The following MYZAP variants were observed in gnomAD, a reference collection of about 807,000 sequenced individuals.
MYZAP encodes the protein myocardial zonula adherens protein, also known as GRINL1A complex locus upstream.
MYZAP carries 66 observed loss-of-function variants against 69.4 expected under a neutral mutation model. The observed-to-expected ratio is 0.95, with a 90% CI of 0.78 to 1.17. MYZAP has a LOEUF of 1.17. Ranked by LOEUF, MYZAP falls within the 50% of genes most tolerant of loss-of-function variation. The pLI is 0.00. For synonymous variants in MYZAP, 256 were observed against 205.9 expected (o/e 1.24, Z -2.09); for missense variants, 611 against 556.2 (o/e 1.10, Z -0.99).
At chr15:57,630,827 C>T (rs1475772764) in intron 6 of MYZAP, among the ~76,000 whole-genome samples, 1 of 152,124 alleles carries the variant, frequency 6.6e-6, no homozygotes, top group Non-Finnish European at 1.5e-5. Context: ...TTATGAGTAG[C>T]GTATCCACAT....
At chr15:57,632,902 C>T (rs890760138) in intron 7 of MYZAP, among the ~76,000 whole-genome samples, 6 of 152,192 alleles carry the variant, frequency 3.9e-5, no homozygotes, top group Non-Finnish European at 7.3e-5. Flanking sequence ...AAATTTCCTC[C>T]TTCCCTATCT....
chr15:57,656,936 C>T (rs1749826285), intron 10 of MYZAP, among the ~76,000 whole-genome samples: 1 of 152,214 alleles, frequency 6.6e-6, no homozygotes, highest in African/African-American at 2.4e-5. Context: ...CCAGCTCCTT[C>T]TCCCCAGAAC....
chr15:57,659,427 A>G (rs2038167715), intron 10 of MYZAP, among the ~76,000 whole-genome samples: 1 of 152,188 alleles, frequency 6.6e-6, no homozygotes, highest in Non-Finnish European at 1.5e-5. Flanking sequence ...ATGAATTCAT[A>G]CTGATATTGT....
rs761954649 is a variant in MYZAP at position 57,629,720 on chromosome 15, A to G, written c.544A>G (p.Thr182Ala). Residue 182 changes from threonine to alanine, a missense_variant, in exon 6 of 13, where the codon ACT becomes GCT. Coordinates refer to ENST00000267853, the MANE Select transcript of MYZAP (RefSeq NM_001018100.5). ...CTCACAGAAAACCCTCGTGGATGTG[A>G]CTTTGGAAAACAGCAACATTAAGGA... ...IGLQKTLVDVTLENSNIKDQI... is the reference protein window; with the variant it reads ...IGLQKTLVDVALENSNIKDQI... 3.7e-6 allele frequency: 6 copies of G among 1,609,148 alleles called. No homozygotes were observed. Among genetic ancestry groups the G allele is most frequent in the Admixed American group, 1.7e-5 (1 of 57,920 alleles).
chr15:57,634,778 T>A (rs1447511876), intron 8 of MYZAP, among the ~76,000 whole-genome samples: 1 of 152,222 alleles, frequency 6.6e-6, no homozygotes, highest in African/African-American at 2.4e-5. Context: ...AAAGAGTCAA[T>A]TACAATCTCC....
chr15:57,667,861 TAGAG>T lies in MYZAP; in HGVS notation c.1203+6332_1203+6335del, dbSNP rs1330661515. ...CATGAAATAACCACTACAATCAAGA[TAGAG>T]AGAATTTCTATCACCCCACCAAAGA... On this transcript the variant is annotated intron_variant, in intron 11 of 12. Coordinates refer to ENST00000267853, the MANE Select transcript of MYZAP (RefSeq NM_001018100.5). Among the ~76,000 whole-genome samples the T allele has an allele frequency of 2.0e-5, 3 of 152,326 alleles. No homozygotes were observed. In the East Asian group the frequency reaches 5.8e-4, roughly 29 times the overall value.
intron 11 of MYZAP, among the ~76,000 whole-genome samples, chr15:57,667,311 G>A (rs112740043): frequency 0.016 from 2,456 of 152,354 alleles, 62 homozygotes; most frequent in African/African-American, 0.055. Flanking sequence ...GGGGAATGGT[G>A]GGGGAGGTGA....
At chr15:57,608,484 A>G (rs2034900841) in intron 2 of MYZAP, among the ~76,000 whole-genome samples, 1 of 152,152 alleles carries the variant, frequency 6.6e-6, no homozygotes, top group African/African-American at 2.4e-5. Context: ...TCCTATCCCT[A>G]AGGCAGATGC....
At chr15:57,597,193 C>T (rs1692679393) in intron 1 of MYZAP, among the ~76,000 whole-genome samples, 1 of 152,286 alleles carries the variant, frequency 6.6e-6, no homozygotes, top group South Asian at 2.1e-4. Flanking sequence ...TCCAAATATT[C>T]GAGTTGCCTC....
intron 1 of MYZAP, 47 bp downstream of exon 1, chr15:57,592,156 G>C (rs1448157968): frequency 7.8e-7 from 1 of 1,275,688 alleles, no homozygotes; most frequent in African/African-American, 1.6e-5. Flanking sequence ...CCCCCATCCC[G>C]GCCGCCCCCT....
chr15:57,632,441 C>T lies in MYZAP; in HGVS notation c.686C>T (p.Ser229Leu), dbSNP rs138018355. 1.6e-4 allele frequency: 259 copies of T among 1,614,080 alleles called. No individual in the cohort carries two copies. In the African/African-American group the frequency reaches 2.8e-3, roughly 17 times the overall value. The change falls in exon 7 of 13, where the codon TCG (serine) becomes TTG (leucine). Residue 229 changes from serine (S) to leucine (L), a missense_variant. Coordinates refer to ENST00000267853, the MANE Select transcript of MYZAP (RefSeq NM_001018100.5). ...ENQLLKMKVESSQEANAEVMR... is the reference protein window; with the variant it reads ...ENQLLKMKVELSQEANAEVMR... ...AAATGAGTCTCGTTGTAGGTGGAATCGTCCCAAGAAGCCAATGCTGAGGTG... is the reference window on the plus strand; with the variant it reads ...AAATGAGTCTCGTTGTAGGTGGAATTGTCCCAAGAAGCCAATGCTGAGGTG...
chr15:57,632,082 G>C (rs2036539218), intron 6 of MYZAP, among the ~76,000 whole-genome samples: 1 of 152,226 alleles, frequency 6.6e-6, no homozygotes, highest in Non-Finnish European at 1.5e-5. Context: ...GGTGAGTCCA[G>C]ATTTCTCCTT....
intron 12 of MYZAP, among the ~76,000 whole-genome samples, chr15:57,677,911 A>C (rs1355819355): frequency 1.3e-5 from 2 of 152,138 alleles, no homozygotes; most frequent in Non-Finnish European, 2.9e-5. Context: ...TGTGTACATA[A>C]AGCATTTAGA....
intron 12 of MYZAP, among the ~76,000 whole-genome samples, chr15:57,676,910 T>C (rs1217228619): frequency 1.3e-5 from 2 of 152,144 alleles, no homozygotes; most frequent in African/African-American, 2.4e-5. Flanking sequence ...AAATGTAACA[T>C]TTGGTTTCCC....
At chr15:57,629,525 C>T (rs2036369141) in intron 5 of MYZAP, among the ~76,000 whole-genome samples, 177 bp from the exon 6 acceptor site, 2 of 152,192 alleles carry the variant, frequency 1.3e-5, no homozygotes, top group South Asian at 4.1e-4. Context: ...GGGCAGACCT[C>T]TTGGCCACCA....
At chr15:57,681,509 C>A (rs1248736894) in intron 12 of MYZAP, among the ~76,000 whole-genome samples, 1 of 152,208 alleles carries the variant, frequency 6.6e-6, no homozygotes, top group Admixed American at 6.5e-5. Context: ...AGAGGCTTGG[C>A]GTGGTGGCTC....
chr15:57,647,138 T>C, intron 10 of MYZAP: 4 of 985,470 alleles, frequency 4.1e-6, no homozygotes, highest in Non-Finnish European at 4.8e-6. Flanking sequence ...GGCATGAAGC[T>C]GCTTTCTTGC....
At chr15:57,654,003 A>C (rs1401103915) in intron 10 of MYZAP, among the ~76,000 whole-genome samples, 2 of 4,902 alleles carry the variant, frequency 4.1e-4, no homozygotes, top group African/African-American at 1.1e-3. Flanking sequence ...AAACGCTGTC[A>C]AAAAAAAAAA....
chr15:57,625,278 T>C (rs1428145071), intron 4 of MYZAP, among the ~76,000 whole-genome samples: 1 of 152,180 alleles, frequency 6.6e-6, no homozygotes, highest in Non-Finnish European at 1.5e-5. Context: ...TTCACCACGT[T>C]GGCCAGGCTG....
Sources: gnomAD v4.1 joint callset for allele counts (sites outside exome capture counted in the v4.1 genomes callset) on GRCh38, gnomAD v4.1.1 for gene constraint, MANE v1.5 for transcripts, NCBI Gene and HGNC (gene_info 2026-07-23, HGNC 2026-07-21) for gene names.